GADL1: variants seen among roughly 807,000 people sequenced by gnomAD.
The protein encoded by GADL1 is GAD like acidic amino acid decarboxylase 1.
In GADL1, 71 loss-of-function variants were observed where a neutral mutation model predicts 69.5. That is an observed-to-expected ratio of 1.02 (90% CI 0.84 to 1.25). The LOEUF is 1.25. Ranked by LOEUF, GADL1 falls within the 50% of genes most tolerant of loss-of-function variation. The probability of loss-of-function intolerance (pLI) is 0.00; values close to 1 mark genes in which losing one functional copy is unlikely to be tolerated. For missense variants in GADL1, 737 were observed against 631.8 expected (o/e 1.17, Z -1.79); for synonymous variants, 254 against 214.4 (o/e 1.18, Z -1.62).
intron 14 of GADL1, among the ~76,000 whole-genome samples, chr3:30,753,122 CAGTT>C (rs1377809533): frequency 6.6e-6 from 1 of 152,050 alleles, no homozygotes; most frequent in Admixed American, 6.6e-5. Flanking sequence ...ATGGGTGAGT[CAGTT>C]ATTTAGTCTG....
intron 1 of GADL1, among the ~76,000 whole-genome samples, chr3:30,869,803 A>G (rs905662178): frequency 6.6e-6 from 1 of 151,852 alleles, no homozygotes; most frequent in African/African-American, 2.4e-5. Context: ...ACATTAGGGC[A>G]GGCACTATAG....
chr3:30,877,848 A>G (rs534601022), intron 1 of GADL1, among the ~76,000 whole-genome samples: 1 of 152,052 alleles, frequency 6.6e-6, no homozygotes, highest in East Asian at 1.9e-4. Flanking sequence ...ATTTAACCAT[A>G]ATAGATTTTA....
intron 2 of GADL1, among the ~76,000 whole-genome samples, chr3:30,860,898 C>T (rs1267673434): frequency 6.6e-6 from 1 of 151,900 alleles, no homozygotes; most frequent in Non-Finnish European, 1.5e-5. Context: ...ACTTTCTTTC[C>T]CAGCTCTAAA....
At chr3:30,864,147 A>T (rs59397157) in intron 1 of GADL1, among the ~76,000 whole-genome samples, 25,538 of 151,904 alleles carry the variant, frequency 0.17, 2,172 homozygotes, top group African/African-American at 0.21. Flanking sequence ...CTCCTCCCAA[A>T]TTTTTTAGGC....
intron 12 of GADL1, among the ~76,000 whole-genome samples, chr3:30,787,877 T>A (rs1006393938): frequency 6.6e-6 from 1 of 152,224 alleles, no homozygotes; most frequent in Admixed American, 6.5e-5. Context: ...GAATATGGAA[T>A]ACACTAGTTT....
chr3:30,837,867 G>A (rs1697899530), intron 9 of GADL1, among the ~76,000 whole-genome samples: 3 of 152,002 alleles, frequency 2.0e-5, no homozygotes, highest in Admixed American at 6.6e-5. Flanking sequence ...TCCCGTTAAC[G>A]AGTCACGGAT....
At chr3:30,806,088 C>A (rs1247982870) in intron 11 of GADL1, among the ~76,000 whole-genome samples, 1 of 152,006 alleles carries the variant, frequency 6.6e-6, no homozygotes. Flanking sequence ...TTGCTGTCCA[C>A]AACAACAAAC....
At chr3:30,859,807 G>C (rs1280216378) in intron 2 of GADL1, among the ~76,000 whole-genome samples, 1 of 151,784 alleles carries the variant, frequency 6.6e-6, no homozygotes, top group Non-Finnish European at 1.5e-5. Context: ...TAAGTTAGTG[G>C]TATCAAAACT....
chr3:30,832,124 A>G (rs1382624264), intron 11 of GADL1, among the ~76,000 whole-genome samples: 3 of 152,012 alleles, frequency 2.0e-5, no homozygotes, highest in Middle Eastern at 3.4e-3. Context: ...AACTGCCAAC[A>G]CAAAACTTAA....
At chr3:30,794,978 T>G (rs1438880487) in intron 12 of GADL1, among the ~76,000 whole-genome samples, 2 of 152,174 alleles carry the variant, frequency 1.3e-5, no homozygotes, top group African/African-American at 4.8e-5. Flanking sequence ...GCTTTTCCAG[T>G]ATTTTAGAGA....
intron 14 of GADL1, among the ~76,000 whole-genome samples, chr3:30,766,823 A>T (rs889415733): frequency 2.1e-5 from 3 of 146,224 alleles, no homozygotes; most frequent in Non-Finnish European, 4.5e-5. Context: ...TCCCTGAATG[A>T]TCATAGACTT....
chr3:30,854,264 A>G (rs1481849003), intron 4 of GADL1, among the ~76,000 whole-genome samples: 1 of 152,110 alleles, frequency 6.6e-6, no homozygotes, highest in East Asian at 1.9e-4. Flanking sequence ...TACTTAGAAC[A>G]CTTTGTACTT....
intron 14 of GADL1, among the ~76,000 whole-genome samples, chr3:30,774,975 C>T (rs1374011548): frequency 6.6e-6 from 1 of 151,990 alleles, no homozygotes; most frequent in Middle Eastern, 3.2e-3. Context: ...AGAAAAGAGA[C>T]AAATACAATC....
intron 14 of GADL1, among the ~76,000 whole-genome samples, chr3:30,762,495 C>T (rs1696161314): frequency 6.6e-6 from 1 of 152,074 alleles, no homozygotes; most frequent in Non-Finnish European, 1.5e-5. Flanking sequence ...CTTTTGTGGG[C>T]ACCATAGTAG....
intron 13 of GADL1, among the ~76,000 whole-genome samples, chr3:30,783,865 T>A (rs1308346657): frequency 6.6e-6 from 1 of 152,198 alleles, no homozygotes; most frequent in Non-Finnish European, 1.5e-5. Flanking sequence ...GTTTTTCTTT[T>A]CTAAGACTTT....
At chr3:30,865,595 TG>T (rs1269872272) in intron 1 of GADL1, among the ~76,000 whole-genome samples, 1 of 151,920 alleles carries the variant, frequency 6.6e-6, no homozygotes, top group Admixed American at 6.6e-5. Context: ...AACCTTTGGC[TG>T]GGGATGCAAT....
chr3:30,743,250 C>A (rs1559484593), intron 14 of GADL1, among the ~76,000 whole-genome samples: 1 of 152,124 alleles, frequency 6.6e-6, no homozygotes, highest in Non-Finnish European at 1.5e-5. Context: ...CATCTTCAAG[C>A]TCACAGAAGG....
chr3:30,804,099 T>A (rs1312480017), intron 11 of GADL1, among the ~76,000 whole-genome samples: 3 of 152,170 alleles, frequency 2.0e-5, no homozygotes, highest in Admixed American at 1.3e-4. Flanking sequence ...GCAAATGAGG[T>A]TTAAGCAAAA....
chr3:30,800,484 C>A, intron 12 of GADL1: 2 of 191,130 alleles, frequency 1.0e-5, no homozygotes, highest in Admixed American at 1.1e-4. Context: ...CAAACAATAC[C>A]ACCTTCTCTT....
Sources: gnomAD v4.1 joint callset for allele counts (sites outside exome capture counted in the v4.1 genomes callset) on GRCh38, gnomAD v4.1.1 for gene constraint, MANE v1.5 for transcripts, NCBI Gene and HGNC (gene_info 2026-07-23, HGNC 2026-07-21) for gene names.